CXADR: variants seen among roughly 807,000 people sequenced by gnomAD.
The protein encoded by CXADR is CXADR cell adhesion molecule, also known as coxsackievirus and adenovirus receptor.
A neutral mutation model predicts 40.3 loss-of-function variants in CXADR; 20 were observed. That is an observed-to-expected ratio of 0.50 (90% confidence interval 0.35 to 0.72). The LOEUF (loss-of-function observed/expected upper bound fraction) is 0.72, where lower values mean the gene tolerates loss of function less well. Among genes scored for constraint, CXADR ranks in the 30% least tolerant of loss-of-function variants. CXADR has a pLI of 0.01. For synonymous variants in CXADR, 150 were observed against 161.3 expected (o/e 0.93, Z 0.53); for missense variants, 332 against 449.1 (o/e 0.74, Z 2.36).
At chr21:17,594,293 G>C (rs770438493), downstream of CXADR, 3 of 1,612,998 alleles carry the variant, frequency 1.9e-6, no homozygotes, top group Admixed American at 1.7e-5. Flanking sequence ...CTGGGCAAAG[G>C]GTGCCACATT....
chr21:17,543,617 A>G (rs2060857241), intron 1 of CXADR, among the ~76,000 whole-genome samples: 1 of 152,168 alleles, frequency 6.6e-6, no homozygotes, highest in Non-Finnish European at 1.5e-5. Context: ...TACTTAGATT[A>G]CTCATATTAT....
intron 7 of CXADR, among the ~76,000 whole-genome samples, chr21:17,587,556 T>A (rs968589107): frequency 4.6e-5 from 7 of 152,242 alleles, no homozygotes; most frequent in African/African-American, 1.7e-4. Flanking sequence ...AAGTGTCTGT[T>A]CATATCCTTC....
intron 2 of CXADR, among the ~76,000 whole-genome samples, chr21:17,547,493 T>C (rs1206036175): frequency 6.6e-6 from 1 of 152,188 alleles, no homozygotes; most frequent in Non-Finnish European, 1.5e-5. Flanking sequence ...AATCTGGATT[T>C]GAGGCGGGGA....
the CXADR span, among the ~76,000 whole-genome samples, chr21:17,633,769 A>G: frequency 6.6e-6 from 1 of 152,208 alleles, no homozygotes. Flanking sequence ...GAGCCAATTC[A>G]TCTCCCCTAA....
At chr21:17,526,125 C>T (rs954600279) in intron 1 of CXADR, among the ~76,000 whole-genome samples, 3 of 152,150 alleles carry the variant, frequency 2.0e-5, no homozygotes, top group Non-Finnish European at 4.4e-5. Flanking sequence ...GTTTCAAGTG[C>T]CAGCAGCTAC....
intron 3 of CXADR, among the ~76,000 whole-genome samples, chr21:17,557,724 G>A (rs144668265): frequency 7.0e-6 from 1 of 143,498 alleles, no homozygotes; most frequent in African/African-American, 2.5e-5. Context: ...AATACATACT[G>A]TAGTATTCTA....
chr21:17,594,319 A>G (rs1238330961), downstream of CXADR: 3 of 1,612,784 alleles, frequency 1.9e-6, no homozygotes, highest in Non-Finnish European at 1.7e-6. Flanking sequence ...AGGTGGAAAT[A>G]TAAGTTCTGA....
downstream of CXADR, among the ~76,000 whole-genome samples, chr21:17,597,984 C>CA (rs1279965135): frequency 1.3e-5 from 2 of 152,024 alleles, no homozygotes; most frequent in African/African-American, 4.8e-5. Context: ...AGGCTCAACT[C>CA]AAAAAATCTC....
At position 17,568,907 on chromosome 21, in the gene CXADR, A is replaced by AT. The variant is rs2061250163; in HGVS notation, c.*3216dup. 1.0e-6 allele frequency: 1 copy of AT among 985,044 alleles called. No individual in the cohort carries two copies. The highest frequency in any genetic ancestry group is 6.2e-5 in the Admixed American group (1 of 16,258). The allele number at this position is 985,044 out of a possible 1,614,324, so 61.0% of individuals were successfully genotyped here. On this transcript the variant is annotated 3_prime_UTR_variant, in exon 7 of 7. Transcript: ENST00000284878. ...TAAAATGGAAACACAGCCTGAGTGTATCTTAGGGAGAGTTTGATTGAAAAA... is the reference window on the plus strand; with the variant it reads ...TAAAATGGAAACACAGCCTGAGTGTATTCTTAGGGAGAGTTTGATTGAAAAA...
the CXADR span, among the ~76,000 whole-genome samples, chr21:17,619,698 T>C: frequency 6.6e-6 from 1 of 152,010 alleles, no homozygotes; most frequent in African/African-American, 2.4e-5. Flanking sequence ...TCTGCTTCCA[T>C]TATAAGGTTG....
intron 1 of CXADR, among the ~76,000 whole-genome samples, chr21:17,516,430 C>T: frequency 6.6e-6 from 1 of 152,188 alleles, no homozygotes; most frequent in East Asian, 1.9e-4. Context: ...TAATTGAATA[C>T]TTTGAGGCAT....
the CXADR span, among the ~76,000 whole-genome samples, chr21:17,632,642 C>A: frequency 4.6e-5 from 7 of 151,626 alleles, no homozygotes; most frequent in South Asian, 1.5e-3. Flanking sequence ...CCGAGGCGGG[C>A]GGATCACGAG....
At chr21:17,599,928 T>A in the CXADR span, among the ~76,000 whole-genome samples, 3 of 152,182 alleles carry the variant, frequency 2.0e-5, no homozygotes, top group Non-Finnish European at 4.4e-5. Flanking sequence ...AGGCAGTTAT[T>A]GAGATTAAAG....
intron 7 of CXADR, among the ~76,000 whole-genome samples, chr21:17,587,209 G>A (rs966173279): frequency 6.6e-6 from 1 of 152,196 alleles, no homozygotes; most frequent in Non-Finnish European, 1.5e-5. Context: ...ACGTGTGCAT[G>A]TGTCCTTATA....
intron 1 of CXADR, among the ~76,000 whole-genome samples, chr21:17,536,462 T>C (rs2060758680): frequency 6.6e-6 from 1 of 152,104 alleles, no homozygotes; most frequent in Non-Finnish European, 1.5e-5. Context: ...TGCCTTATGG[T>C]CCTCTCTCCC....
Position 17,539,027 on chromosome 21 carries a change from G to A in CXADR, c.44-8000G>A, listed in dbSNP as rs78272147. ...CATAGTATGCTTTGAATGAGTGAAC[G>A]TTGATACCCTGCTGCCTTTCATTTT... On this transcript the variant is annotated intron_variant, in intron 1 of 6. Coordinates refer to ENST00000284878, the MANE Select transcript of CXADR (RefSeq NM_001338.5). Among the ~76,000 whole-genome samples, 488 of 151,914 alleles carry A rather than the reference G, an allele frequency of 3.2e-3. 22 individuals are homozygous for A. In the East Asian group the frequency reaches 0.081, roughly 25 times the overall value.
At chr21:17,536,428 A>C (rs1771179318) in intron 1 of CXADR, among the ~76,000 whole-genome samples, 1 of 152,132 alleles carries the variant, frequency 6.6e-6, no homozygotes, top group Non-Finnish European at 1.5e-5. Flanking sequence ...CTGGATGCAC[A>C]GTCACCCCAG....
At chr21:17,614,699 C>T in the CXADR span, among the ~76,000 whole-genome samples, 1 of 151,972 alleles carries the variant, frequency 6.6e-6, no homozygotes, top group Non-Finnish European at 1.5e-5. Context: ...GCTATGATAA[C>T]ATCATGGCAC....
chr21:17,630,559 G>A, the CXADR span, among the ~76,000 whole-genome samples: 3 of 151,242 alleles, frequency 2.0e-5, no homozygotes, highest in Non-Finnish European at 4.4e-5. Flanking sequence ...GTATACTGTT[G>A]GTTAGTTGAA....
Sources: gnomAD v4.1 joint callset for allele counts (sites outside exome capture counted in the v4.1 genomes callset) on GRCh38, gnomAD v4.1.1 for gene constraint, MANE v1.5 for transcripts, NCBI Gene and HGNC (gene_info 2026-07-23, HGNC 2026-07-21) for gene names.